SH3BP5: variants seen among roughly 807,000 people sequenced by gnomAD.
SH3BP5 encodes the protein SH3 domain-binding protein 5.
SH3BP5 carries 22 observed loss-of-function variants against 43.3 expected under a neutral mutation model. The ratio of observed to expected loss-of-function variants is 0.51; its 90% confidence interval spans 0.36 to 0.73. The LOEUF (loss-of-function observed/expected upper bound fraction) is 0.73, where lower values mean the gene tolerates loss of function less well. SH3BP5 is among the 30% of genes least tolerant of loss of function. The pLI, the probability that SH3BP5 is intolerant of heterozygous loss-of-function variation, is 0.00. For synonymous variants in SH3BP5, 255 were observed against 225.8 expected, an observed-to-expected ratio of 1.13 and a Z score of -1.16; for missense variants, 529 against 586.9, an observed-to-expected ratio of 0.90 and a Z score of 1.02.
intron 3 of SH3BP5, among the ~76,000 whole-genome samples, chr3:15,301,890 G>A (rs1697764389): frequency 6.6e-6 from 1 of 152,054 alleles, no homozygotes; most frequent in Non-Finnish European, 1.5e-5. Context: ...TTCAGGTAGA[G>A]AAGCCACTGC....
At chr3:15,256,392 T>G (rs1007712850) in intron 8 of SH3BP5, 89 bp from the exon 9 acceptor site, 5 of 1,392,416 alleles carry the variant, frequency 3.6e-6, no homozygotes, top group African/African-American at 2.9e-5. Flanking sequence ...AAGTGAGTAT[T>G]GACAATTCTA....
intron 3 of SH3BP5, among the ~76,000 whole-genome samples, chr3:15,299,887 C>T (rs951738293): frequency 4.6e-5 from 7 of 151,932 alleles, no homozygotes; most frequent in African/African-American, 1.7e-4. Context: ...CACCACTATG[C>T]TATCTTCTTT....
chr3:15,281,050 T>C (rs1189814185), intron 3 of SH3BP5, among the ~76,000 whole-genome samples: 2 of 152,206 alleles, frequency 1.3e-5, no homozygotes, highest in Admixed American at 6.5e-5. Context: ...TTATGCCTCA[T>C]GACATTCCTT....
intron 8 of SH3BP5, 26 bp from the exon 9 acceptor site, chr3:15,256,329 A>C (rs1158614592): frequency 6.2e-7 from 1 of 1,603,708 alleles, no homozygotes; most frequent in Non-Finnish European, 8.5e-7. Context: ...GATTATCAAA[A>C]GTGAGTATTG....
intron 5 of SH3BP5, among the ~76,000 whole-genome samples, chr3:15,260,950 G>T (rs534292527): frequency 6.6e-6 from 1 of 152,346 alleles, no homozygotes; most frequent in South Asian, 2.1e-4. Flanking sequence ...TGTGATGTGT[G>T]TGCAGTGTGA....
intron 3 of SH3BP5, among the ~76,000 whole-genome samples, chr3:15,284,115 G>A (rs1009387757): frequency 6.6e-6 from 1 of 152,096 alleles, no homozygotes; most frequent in African/African-American, 2.4e-5. Flanking sequence ...TAAGTTTGAC[G>A]TTTCAGTGAA....
chr3:15,277,768 G>A (rs1460078374), intron 3 of SH3BP5, among the ~76,000 whole-genome samples: 1 of 151,978 alleles, frequency 6.6e-6, no homozygotes, highest in East Asian at 1.9e-4. Context: ...AATCCAAAAG[G>A]ACTCTGGGGT....
Position 15,332,469 on chromosome 3 carries a change from C to A in SH3BP5, c.-61G>T. 1.4e-6 allele frequency: 2 copies of A among 1,443,096 alleles called. No homozygotes were observed. Among genetic ancestry groups the A allele is most frequent in the Non-Finnish European group, 1.8e-6 (2 of 1,104,504 alleles). The allele number at this position is 1,443,096 out of a possible 1,614,324, so 89.4% of individuals were successfully genotyped here. ...CGGAGCGCCCCGGGGGTCGCGGCTG[C>A]CACAGGCTGGGCTGGAGCCGCCTCG... is the stretch of plus-strand genomic sequence containing the variant. On this transcript the variant is annotated 5_prime_UTR_variant, in exon 1 of 9. Transcript: ENST00000383791.
chr3:15,274,743 G>T (rs148796976), intron 3 of SH3BP5, among the ~76,000 whole-genome samples: 4 of 152,176 alleles, frequency 2.6e-5, no homozygotes, highest in African/African-American at 7.2e-5. Context: ...ACAGGGTTTC[G>T]CCATGTTGGC....
chr3:15,289,731 A>C (rs1289724385), intron 3 of SH3BP5, among the ~76,000 whole-genome samples: 2 of 152,314 alleles, frequency 1.3e-5, no homozygotes, highest in South Asian at 4.1e-4. Flanking sequence ...TTGGGTGTTG[A>C]TATGGGGCTA....
rs1696122409 is a variant in SH3BP5, at chr3:15,254,470, C to T, written c.*1616G>A. 6.6e-6 allele frequency: 1 copy of T among 151,994 alleles called. No individual in the cohort carries two copies. Among genetic ancestry groups the T allele is most frequent in the Admixed American group, 6.5e-5 (1 of 15,278 alleles). 9.4% of individuals were successfully genotyped at this position (151,994 alleles called of 1,614,324 possible). ...CAACTCTGAATGCACATTTGAATTC[C>T]CTCGGGGAGCTTTTAAAAGTCTAAT... is the stretch of plus-strand genomic sequence containing the variant. On this transcript the variant is annotated 3_prime_UTR_variant, in exon 9 of 9. Transcript: ENST00000383791.
intron 4 of SH3BP5, among the ~76,000 whole-genome samples, chr3:15,269,231 CAGA>C (rs756641056): frequency 1.1e-4 from 17 of 152,120 alleles, no homozygotes; most frequent in Non-Finnish European, 2.4e-4. Flanking sequence ...AATCCCAGCC[CAGA>C]AGGCCTGTCG....
intron 2 of SH3BP5, among the ~76,000 whole-genome samples, chr3:15,315,402 T>C (rs1452085999): frequency 6.6e-6 from 1 of 152,234 alleles, no homozygotes. Flanking sequence ...GGGCAAGCCC[T>C]GTGCATTCAA....
At chr3:15,315,574 T>G (rs1244380133) in intron 2 of SH3BP5, among the ~76,000 whole-genome samples, 1 of 152,144 alleles carries the variant, frequency 6.6e-6, no homozygotes, top group African/African-American at 2.4e-5. Flanking sequence ...GTTTCCCTCC[T>G]CTGAGGTTAA....
At chr3:15,258,092 C>G (rs1696289472) in intron 7 of SH3BP5, 1 of 152,272 alleles carries the variant, frequency 6.6e-6, no homozygotes, top group South Asian at 2.1e-4. Context: ...TTTCCTTTTC[C>G]TTTACCTTGA....
intron 2 of SH3BP5, among the ~76,000 whole-genome samples, chr3:15,307,355 C>A (rs2125116282): frequency 6.6e-6 from 1 of 152,328 alleles, no homozygotes; most frequent in East Asian, 1.9e-4. Flanking sequence ...AGAGCTTCTA[C>A]AGGACTTGGC....
Position 15,294,356 on chromosome 3 carries a change from C to G in SH3BP5, c.330+9747G>C, listed in dbSNP as rs181737714. Among the ~76,000 whole-genome samples, 29 of 150,962 alleles carry G rather than the reference C, an allele frequency of 1.9e-4. No homozygotes were observed. In the East Asian group the frequency reaches 2.0e-3, roughly 10 times the overall value. Reference sequence around the variant, plus strand: ...GCGCGCGCATGTTTACGTAACTCCCCCTCATGCATGTAAAACACTTAGAAA... The same window carrying G: ...GCGCGCGCATGTTTACGTAACTCCCGCTCATGCATGTAAAACACTTAGAAA... On this transcript the variant is annotated intron_variant, in intron 3 of 8. Transcript: ENST00000383791.
chr3:15,332,244 G>A, intron 1 of SH3BP5, 27 bp downstream of exon 1: 2 of 1,551,082 alleles, frequency 1.3e-6, no homozygotes, highest in Non-Finnish European at 1.7e-6. Context: ...GCGAAGCCCG[G>A]ATGCGGGGCG....
chr3:15,291,719 G>A (rs1177792980), intron 3 of SH3BP5, among the ~76,000 whole-genome samples: 1 of 152,172 alleles, frequency 6.6e-6, no homozygotes, highest in Non-Finnish European at 1.5e-5. Context: ...CCCTGAGTTG[G>A]GAATATGCAG....
Sources: allele counts gnomAD v4.1 joint callset (sites outside exome capture counted in the v4.1 genomes callset), GRCh38; gene constraint gnomAD v4.1.1; transcripts MANE v1.5; gene names NCBI Gene and HGNC (gene_info 2026-07-23, HGNC 2026-07-21).